ICA1: variants seen among roughly 807,000 people sequenced by gnomAD.
ICA1 encodes the protein 69 kDa islet cell autoantigen.
In ICA1, 40 loss-of-function variants were observed where a neutral mutation model predicts 71.0. That is an observed-to-expected ratio of 0.56 (90% CI 0.44 to 0.73). ICA1 has a LOEUF of 0.73. Among genes scored for constraint, ICA1 ranks in the 30% least tolerant of loss-of-function variants. ICA1 has a pLI of 0.00. For missense variants in ICA1, 578 were observed against 576.5 expected (o/e 1.00, Z -0.03); for synonymous variants, 207 against 209.5 (o/e 0.99, Z 0.10).
rs548695579 is a variant in ICA1 at position 8,197,503 on chromosome 7, A to G, written c.579+20802T>C. The stretch of plus-strand genomic sequence containing the variant: ...GGGAGGTGGAGGTTGCAGTGATCAC[A>G]CCACTGCACTCCAGCTTAGGCAATA... On this transcript the variant is annotated intron_variant, in intron 6 of 13. Coordinates refer to ENST00000402384, the MANE Select transcript of ICA1 (RefSeq NM_001136020.3). 2.1e-4 allele frequency among the ~76,000 whole-genome samples: 31 copies of G among 148,670 alleles called. No homozygotes were observed. In the South Asian group the frequency reaches 6.0e-3, roughly 29 times the overall value.
Position 8,226,509 on chromosome 7 carries a change from T to G in ICA1, c.256+2092A>C, listed in dbSNP as rs903343978. On this transcript the variant is annotated intron_variant, in intron 4 of 13. Transcript: ENST00000402384. This position sits in a 1 kb window ranked among gnomAD's most constrained non-coding sequence, Gnocchi z 4.4. ...CGCTTTTATGTTTTGCTTCTTTCAC[T>G]TAAAAGCATATCCTCCAAATCACTC... Among the ~76,000 whole-genome samples, 1 of 152,234 alleles carries G rather than the reference T, an allele frequency of 6.6e-6. No individual in the cohort carries two copies. Among genetic ancestry groups the G allele is most frequent in the African/African-American group, 2.4e-5 (1 of 41,452 alleles).
chr7:8,261,139 T>C (rs935820178), intron 1 of ICA1, among the ~76,000 whole-genome samples: 1 of 152,194 alleles, frequency 6.6e-6, no homozygotes, highest in African/African-American at 2.4e-5. Context: ...AACAAAACCC[T>C]TTCTTGCGCT....
intron 2 of ICA1, among the ~76,000 whole-genome samples, chr7:8,233,634 G>A (rs1286430972): frequency 6.6e-6 from 1 of 152,024 alleles, no homozygotes; most frequent in Non-Finnish European, 1.5e-5. Flanking sequence ...GACCTCAGAT[G>A]ATCCGCCCTC....
intron 13 of ICA1, among the ~76,000 whole-genome samples, chr7:8,126,303 G>A (rs1789149726): frequency 6.6e-6 from 1 of 152,098 alleles, no homozygotes; most frequent in Non-Finnish European, 1.5e-5. Context: ...ACTCTCTCAG[G>A]GCTTCTTAGC....
chr7:8,203,536 C>A (rs1281295349), intron 6 of ICA1, among the ~76,000 whole-genome samples: 4 of 151,960 alleles, frequency 2.6e-5, no homozygotes, highest in Admixed American at 2.6e-4. Flanking sequence ...ATCTGGGAGC[C>A]CATTAAAAGT....
At chr7:8,206,770 T>C (rs1023775927) in intron 6 of ICA1, among the ~76,000 whole-genome samples, 41 of 149,530 alleles carry the variant, frequency 2.7e-4, no homozygotes, top group Middle Eastern at 3.5e-3. Flanking sequence ...GAGAACAAGA[T>C]CCTAAATGTA....
chr7:8,191,502 T>C (rs1276142694), intron 6 of ICA1, among the ~76,000 whole-genome samples: 2 of 152,194 alleles, frequency 1.3e-5, no homozygotes, highest in African/African-American at 2.4e-5. Flanking sequence ...TTGTGTTAGA[T>C]GATTTTGCCC....
At chr7:8,160,892 AG>A (rs949988084) in intron 6 of ICA1, among the ~76,000 whole-genome samples, 10 of 152,218 alleles carry the variant, frequency 6.6e-5, no homozygotes, top group Non-Finnish European at 1.5e-4. Flanking sequence ...TGAGAGGAAT[AG>A]GAAGGCAGAA....
At chr7:8,181,163 T>C (rs1451156299) in intron 6 of ICA1, among the ~76,000 whole-genome samples, 1 of 152,136 alleles carries the variant, frequency 6.6e-6, no homozygotes, top group African/African-American at 2.4e-5. Flanking sequence ...GTGTATGATA[T>C]GAAATAGGGG....
chr7:8,141,928 C>CAG (rs1458371494), intron 9 of ICA1, 111 bp from the exon 10 acceptor site: 1 of 1,382,884 alleles, frequency 7.2e-7, no homozygotes, highest in Non-Finnish European at 1.0e-6. Flanking sequence ...ACATACACCA[C>CAG]ACACACGCAC....
chr7:8,136,438 A>G (rs78832509), intron 12 of ICA1, among the ~76,000 whole-genome samples: 419 of 152,336 alleles, frequency 2.8e-3, no homozygotes, highest in Non-Finnish European at 4.0e-3. Flanking sequence ...TCCAAAGGGC[A>G]CACATTTTGA....
chr7:8,195,996 A>C (rs796257882), intron 6 of ICA1, among the ~76,000 whole-genome samples: 13 of 151,518 alleles, frequency 8.6e-5, no homozygotes, highest in African/African-American at 2.7e-4. Flanking sequence ...AACAACAACA[A>C]CAACACCAAC....
At chr7:8,118,765 C>T (rs922419958) in intron 13 of ICA1, among the ~76,000 whole-genome samples, 21 of 152,172 alleles carry the variant, frequency 1.4e-4, no homozygotes, top group Non-Finnish European at 2.9e-4. Context: ...TACCCAAGAC[C>T]CACCTGTCCC....
chr7:8,190,491 A>G (rs888658450), intron 6 of ICA1, among the ~76,000 whole-genome samples: 1 of 152,248 alleles, frequency 6.6e-6, no homozygotes, highest in African/African-American at 2.4e-5. Flanking sequence ...TAATACAGTT[A>G]GCTCTTCTGG....
rs1779489206 is a variant in ICA1, at chr7:8,173,372, T to C, written c.580-14720A>G. On this transcript the variant is annotated intron_variant, in intron 6 of 13. Transcript: ENST00000402384. This position sits in a 1 kb window ranked among gnomAD's most constrained non-coding sequence, Gnocchi z 4.0. ...TCAATGAAGTTAATATTGGCAACGA[T>C]TAAAACACATCAAATATATCCAAAT... Among the ~76,000 whole-genome samples the C allele has an allele frequency of 6.6e-6, 1 of 152,150 alleles. No individual in the cohort carries two copies. The highest frequency in any genetic ancestry group is 1.5e-5 in the Non-Finnish European group (1 of 68,018).
At chr7:8,235,786 G>T in intron 2 of ICA1, 124 bp downstream of exon 2, 2 of 962,320 alleles carry the variant, frequency 2.1e-6, no homozygotes, top group South Asian at 1.5e-5. Flanking sequence ...GCTCAGCATT[G>T]GTGAGGGCTA....
At position 8,260,277 on chromosome 7, in the gene ICA1, C is replaced by T. The variant is rs376007869; in HGVS notation, c.-80+1817G>A. 1.6e-4 allele frequency among the ~76,000 whole-genome samples: 25 copies of T among 152,254 alleles called. No individual in the cohort carries two copies. In the East Asian group the frequency reaches 3.5e-3, roughly 21 times the overall value. ...CTTGAAAACGTACTGATTTTGAAGGCTCTGAGTAACAAAATTTTCTATACT... is the reference window on the plus strand; with the variant it reads ...CTTGAAAACGTACTGATTTTGAAGGTTCTGAGTAACAAAATTTTCTATACT... On this transcript the variant is annotated intron_variant, in intron 1 of 13. Transcript: ENST00000402384.
rs931744263 is a variant in ICA1 at position 8,232,942 on chromosome 7, A to C, written c.18-187T>G. Among the ~76,000 whole-genome samples, 6 of 152,198 alleles carry C rather than the reference A, an allele frequency of 3.9e-5. No homozygotes were observed. The South Asian group carries it at 6.2e-4, about 16-fold the overall frequency. On this transcript the variant is annotated intron_variant, in intron 2 of 13. Transcript: ENST00000402384. ...TTCATCAACTCTTTCTGACTCAAAAACCTTAAAAGTCAGAGTGGAGAAATT... is the reference window on the plus strand; with the variant it reads ...TTCATCAACTCTTTCTGACTCAAAACCCTTAAAAGTCAGAGTGGAGAAATT...
At chr7:8,162,389 C>T (rs1804196008) in intron 6 of ICA1, among the ~76,000 whole-genome samples, 1 of 152,202 alleles carries the variant, frequency 6.6e-6, no homozygotes, top group South Asian at 2.1e-4. Flanking sequence ...CCCTGCCAAA[C>T]AGGGAGGATG....
Sources: allele counts gnomAD v4.1 joint callset (sites outside exome capture counted in the v4.1 genomes callset), GRCh38; gene constraint gnomAD v4.1.1; non-coding constraint Gnocchi (gnomAD v3.1); transcripts MANE v1.5; gene names NCBI Gene and HGNC (gene_info 2026-07-23, HGNC 2026-07-21).